DPYD: variants seen among roughly 807,000 people sequenced by gnomAD.
DPYD encodes dihydropyrimidine dehydrogenase [NADP(+)].
Under a neutral mutation model 116.2 loss-of-function variants are expected in DPYD, and 109 were observed. The observed-to-expected ratio is 0.94, with a 90% CI of 0.80 to 1.10. The LOEUF is 1.10. Ranked by LOEUF, DPYD falls within the 50% of genes least tolerant of loss-of-function variation. DPYD has a pLI of 0.00. For synonymous variants in DPYD, 440 were observed against 432.0 expected (o/e 1.02, Z -0.23); for missense variants, 1,302 against 1,254.5 (o/e 1.04, Z -0.57).
chr1:97,405,059 G>A (rs1312592835), intron 14 of DPYD, among the ~76,000 whole-genome samples: 7 of 150,778 alleles, frequency 4.6e-5, no homozygotes. Context: ...GATGATATGA[G>A]CATCTTATAA....
chr1:97,258,666 G>A (rs1314263166), intron 18 of DPYD, among the ~76,000 whole-genome samples: 1 of 152,082 alleles, frequency 6.6e-6, no homozygotes, highest in African/African-American at 2.4e-5. Context: ...GTTTGTGAAG[G>A]GTCCTATACT....
At chr1:97,885,288 C>G (rs997664444) in intron 1 of DPYD, among the ~76,000 whole-genome samples, 3 of 151,588 alleles carry the variant, frequency 2.0e-5, no homozygotes, top group African/African-American at 7.3e-5. Flanking sequence ...TCAAAAAGAC[C>G]ACAATAAATG....
intron 21 of DPYD, among the ~76,000 whole-genome samples, chr1:97,082,790 GCT>G (rs1557852235): frequency 6.6e-6 from 1 of 152,106 alleles, no homozygotes; most frequent in Non-Finnish European, 1.5e-5. Flanking sequence ...AGTTGTTATG[GCT>G]AACTTTTTCT....
intron 4 of DPYD, among the ~76,000 whole-genome samples, chr1:97,729,574 A>G (rs927220498): frequency 3.3e-5 from 5 of 152,162 alleles, no homozygotes; most frequent in African/African-American, 1.2e-4. Flanking sequence ...TAGGAAGTAG[A>G]ATAAGAAATA....
chr1:97,823,165 T>C (rs189435356), intron 3 of DPYD, among the ~76,000 whole-genome samples: 1 of 149,658 alleles, frequency 6.7e-6, no homozygotes, highest in Non-Finnish European at 1.5e-5. Context: ...TTGTTTTTTG[T>C]TTTTTTTGAG....
chr1:97,340,203 G>C (rs1241851683), intron 16 of DPYD, among the ~76,000 whole-genome samples: 2 of 151,414 alleles, frequency 1.3e-5, no homozygotes, highest in East Asian at 3.9e-4. Flanking sequence ...TATGAAAATA[G>C]AGAAAAGAAA....
At chr1:97,731,582 T>C (rs1387531088) in intron 4 of DPYD, among the ~76,000 whole-genome samples, 3 of 152,042 alleles carry the variant, frequency 2.0e-5, no homozygotes, top group African/African-American at 7.2e-5. Flanking sequence ...TTAATATCGA[T>C]AGTATAGTGT....
At position 97,227,289 on chromosome 1, in the gene DPYD, G is replaced by A. The variant is rs1167926956; in HGVS notation, c.2442+7563C>T. The stretch of plus-strand genomic sequence containing the variant: ...TTGCAGTGAGCCGAGATCGTGCCAC[G>A]GCCACTGCGCTCCAGCCTGGCAACA... On this transcript the variant is annotated intron_variant, in intron 19 of 22. Transcript: ENST00000370192. Among the ~76,000 whole-genome samples the A allele has an allele frequency of 4.5e-5, 6 of 134,244 alleles. No homozygotes were observed. In the East Asian group the frequency reaches 1.2e-3, roughly 27 times the overall value. 88.1% of individuals were successfully genotyped at this position (134,244 alleles called of 152,430 possible).
chr1:97,764,151 G>A (rs1225518154), intron 3 of DPYD, among the ~76,000 whole-genome samples: 4 of 151,322 alleles, frequency 2.6e-5, no homozygotes, highest in Non-Finnish European at 4.4e-5. Context: ...CCGATGAAGG[G>A]GTAAATATAA....
At chr1:97,679,912 A>T (rs1253182187) in intron 7 of DPYD, among the ~76,000 whole-genome samples, 1 of 152,166 alleles carries the variant, frequency 6.6e-6, no homozygotes, top group Non-Finnish European at 1.5e-5. Context: ...CCCAAAGGAA[A>T]CTATGGTCAT....
chr1:97,391,057 T>TTA (rs948522354), intron 14 of DPYD, among the ~76,000 whole-genome samples: 14 of 151,420 alleles, frequency 9.2e-5, no homozygotes, highest in Non-Finnish European at 1.5e-4. Context: ...TCTTTTTTTT[T>TTA]TTTTTTTTGG....
At position 97,760,232 on chromosome 1, in the gene DPYD, A is replaced by T. The variant is rs545615996; in HGVS notation, c.234-19753T>A. 1.1e-4 allele frequency among the ~76,000 whole-genome samples: 17 copies of T among 152,228 alleles called. No individual in the cohort carries two copies. In the East Asian group the frequency reaches 2.9e-3, roughly 26 times the overall value. Reference sequence around the variant, plus strand: ...GGAACTCAGTTTTACTAGTCCTCTAAGAATTTTGTTGTAAAACTTTTATTG... The same window carrying T: ...GGAACTCAGTTTTACTAGTCCTCTATGAATTTTGTTGTAAAACTTTTATTG... On this transcript the variant is annotated intron_variant, in intron 3 of 22. Coordinates refer to ENST00000370192, the MANE Select transcript of DPYD (RefSeq NM_000110.4).
At chr1:97,388,510 G>A (rs12084600) in intron 14 of DPYD, among the ~76,000 whole-genome samples, 1 of 152,196 alleles carries the variant, frequency 6.6e-6, no homozygotes, top group African/African-American at 2.4e-5. Flanking sequence ...AGAGAAGGAA[G>A]TGTTCCAAAA....
chr1:97,920,860 G>A, intron 1 of DPYD, 24 bp downstream of exon 1: 1 of 1,584,338 alleles, frequency 6.3e-7, no homozygotes, highest in Non-Finnish European at 8.6e-7. Context: ...CGCCACCACC[G>A]ACGAGCCGGC....
At chr1:97,783,538 G>A (rs985995345) in intron 3 of DPYD, among the ~76,000 whole-genome samples, 1 of 151,780 alleles carries the variant, frequency 6.6e-6, no homozygotes, top group East Asian at 1.9e-4. Context: ...GGGATTACAG[G>A]CATCCACCAC....
chr1:97,520,799 A>G (rs960793114), intron 12 of DPYD, among the ~76,000 whole-genome samples: 3 of 152,166 alleles, frequency 2.0e-5, no homozygotes, highest in Non-Finnish European at 4.4e-5. Flanking sequence ...TGCAAAGCAC[A>G]TGAACTAATC....
intron 16 of DPYD, among the ~76,000 whole-genome samples, chr1:97,315,755 A>T (rs1362046331): frequency 1.3e-5 from 2 of 152,008 alleles, no homozygotes; most frequent in Non-Finnish European, 2.9e-5. Context: ...GGCTTGACAG[A>T]ACAAGGTCTC....
chr1:97,082,525 A>G, intron 21 of DPYD, 55 bp from the exon 22 acceptor site: 1 of 1,591,542 alleles, frequency 6.3e-7, no homozygotes, highest in Non-Finnish European at 8.6e-7. Context: ...TTTTCATGTA[A>G]TAATTAATAT....
intron 16 of DPYD, among the ~76,000 whole-genome samples, chr1:97,343,661 T>C (rs1669696514): frequency 6.6e-6 from 1 of 151,938 alleles, no homozygotes; most frequent in South Asian, 2.1e-4. Flanking sequence ...AGCTAGAGGG[T>C]AGAAAGGTTT....
Sources: gnomAD v4.1 joint callset for allele counts (sites outside exome capture counted in the v4.1 genomes callset) on GRCh38, gnomAD v4.1.1 for gene constraint, MANE v1.5 for transcripts, NCBI Gene and HGNC (gene_info 2026-07-23, HGNC 2026-07-21) for gene names.